The following PCED1B variants were observed in gnomAD, a reference collection of about 807,000 sequenced individuals.
PCED1B encodes the protein PC-esterase domain-containing protein 1B.
For missense variants in PCED1B, 573 were observed against 573.9 expected, an observed-to-expected ratio of 1.00 and a Z score of 0.02; for synonymous variants, 251 against 246.1, an observed-to-expected ratio of 1.02 and a Z score of -0.19.
intron 2 of PCED1B, among the ~76,000 whole-genome samples, chr12:47,116,691 C>G (rs922920210): frequency 2.0e-5 from 3 of 152,046 alleles, no homozygotes; most frequent in African/African-American, 7.2e-5. Flanking sequence ...GTTGTGAGAT[C>G]CTGGACTGTG....
intron 2 of PCED1B, among the ~76,000 whole-genome samples, chr12:47,147,268 C>T (rs1460779947): frequency 2.0e-5 from 3 of 152,110 alleles, no homozygotes; most frequent in Non-Finnish European, 2.9e-5. Context: ...CCACTTGCCT[C>T]GGCCTCCCAA....
rs568377869 is a variant in PCED1B, at chr12:47,181,024, C to A, written c.-525-35198C>A. Among the ~76,000 whole-genome samples, 3 of 150,392 alleles carry A rather than the reference C, an allele frequency of 2.0e-5. No homozygotes were observed. The South Asian group carries it at 6.3e-4, about 31-fold the overall frequency. On this transcript the variant is annotated intron_variant, in intron 2 of 3. Transcript: ENST00000546455. Reference sequence around the variant, plus strand: ...TCTTTTTTTTTTTTTGAGACAAAGTCTCACTCTGTAAGTGCAGTGGCACAA... The same window carrying A: ...TCTTTTTTTTTTTTTGAGACAAAGTATCACTCTGTAAGTGCAGTGGCACAA...
intron 2 of PCED1B, among the ~76,000 whole-genome samples, chr12:47,179,068 T>C (rs930248778): frequency 1.3e-5 from 2 of 152,200 alleles, no homozygotes; most frequent in African/African-American, 4.8e-5. Flanking sequence ...AAATTGCGAA[T>C]TGGAGCATTA....
chr12:47,214,230 G>A (rs1943179069), intron 2 of PCED1B, among the ~76,000 whole-genome samples: 2 of 152,104 alleles, frequency 1.3e-5, no homozygotes, highest in South Asian at 4.1e-4. Flanking sequence ...CATAAGGTAT[G>A]GAATTAATTT....
At chr12:47,088,498 TGACCTTTAGTA>T (rs1395469652) in intron 1 of PCED1B, among the ~76,000 whole-genome samples, 1 of 152,160 alleles carries the variant, frequency 6.6e-6, no homozygotes, top group Non-Finnish European at 1.5e-5. Context: ...GCAACCTCAG[TGACCTTTAGTA>T]GAGAGTGAGG....
intron 2 of PCED1B, among the ~76,000 whole-genome samples, chr12:47,178,297 C>T (rs575108765): frequency 3.3e-5 from 5 of 152,250 alleles, no homozygotes; most frequent in East Asian, 3.9e-4. Flanking sequence ...GAGGAGGACC[C>T]GGTGGATGCC....
Position 47,235,962 on chromosome 12 carries a change from G to A in PCED1B, c.899G>A (p.Arg300His), listed in dbSNP as rs756384960. 18 of 1,554,750 alleles carry A rather than the reference G, an allele frequency of 1.2e-5. No individual in the cohort carries two copies. Among genetic ancestry groups the A allele is most frequent in the African/African-American group, 3.0e-5 (2 of 67,096 alleles). The stretch of plus-strand genomic sequence containing the variant: ...CCACCCTTACCTTCCCCCACATACC[G>A]CCCCCTGCTTGGGTTCCCACCCCAG... ...LSPPLPSPTY[R>H]PLLGFPPQRL... The change falls in exon 4 of 4, where the codon CGC becomes CAC. Residue 300 changes from arginine to histidine, a missense_variant. Transcript: ENST00000546455.
intron 2 of PCED1B, among the ~76,000 whole-genome samples, chr12:47,112,873 C>G (rs974374608): frequency 3.9e-5 from 6 of 152,190 alleles, no homozygotes; most frequent in African/African-American, 1.4e-4. Flanking sequence ...AGAGCCTCAG[C>G]CTGCAGAGAG....
intron 2 of PCED1B, among the ~76,000 whole-genome samples, chr12:47,124,005 C>T (rs906358663): frequency 6.6e-6 from 1 of 151,844 alleles, no homozygotes; most frequent in African/African-American, 2.4e-5. Flanking sequence ...TTTGTACTTA[C>T]ATTTTTAACA....
chr12:47,219,082 A>G (rs1943393380), intron 3 of PCED1B, among the ~76,000 whole-genome samples: 1 of 152,180 alleles, frequency 6.6e-6, no homozygotes, highest in South Asian at 2.1e-4. Context: ...CAGGGGATGT[A>G]GCGAGCCAAG....
intron 2 of PCED1B, among the ~76,000 whole-genome samples, chr12:47,202,594 T>TAAAAAA (rs60769675): frequency 9.3e-3 from 620 of 66,408 alleles, no homozygotes; most frequent in Middle Eastern, 0.018. Flanking sequence ...TAGACATTAG[T>TAAAAAA]AAAAAAAAAA....
intron 2 of PCED1B, among the ~76,000 whole-genome samples, chr12:47,211,364 C>A (rs1036125789): frequency 2.0e-5 from 3 of 152,056 alleles, no homozygotes; most frequent in Non-Finnish European, 2.9e-5. Context: ...GACAAAACAA[C>A]CTTATGGCCA....
At chr12:47,120,808 T>A (rs956859579) in intron 2 of PCED1B, among the ~76,000 whole-genome samples, 6 of 151,786 alleles carry the variant, frequency 4.0e-5, no homozygotes, top group East Asian at 1.9e-4. Context: ...TCTCAAAAAA[T>A]AATAATAATA....
intron 2 of PCED1B, among the ~76,000 whole-genome samples, chr12:47,197,058 G>A (rs778939739): frequency 3.3e-5 from 5 of 150,514 alleles, no homozygotes; most frequent in Admixed American, 6.6e-5. Context: ...GACCAACATG[G>A]TGAAACCCCA....
chr12:47,115,388 T>A (rs1397789703), intron 2 of PCED1B, among the ~76,000 whole-genome samples: 1 of 152,210 alleles, frequency 6.6e-6, no homozygotes, highest in Non-Finnish European at 1.5e-5. Flanking sequence ...CTGTGGACTA[T>A]CTGGACCCTT....
At chr12:47,139,540 A>G (rs1025201096) in intron 2 of PCED1B, among the ~76,000 whole-genome samples, 1 of 152,190 alleles carries the variant, frequency 6.6e-6, no homozygotes, top group Non-Finnish European at 1.5e-5. Flanking sequence ...GCGTAGCTCA[A>G]GTACAGTGAA....
rs1305342919 is a variant in PCED1B at position 47,120,295 on chromosome 12, G to A, written c.-526+16100G>A. 2.0e-5 allele frequency among the ~76,000 whole-genome samples: 3 copies of A among 152,220 alleles called. No individual in the cohort carries two copies. In the East Asian group the frequency reaches 5.8e-4, roughly 29 times the overall value. ...TCTGTTTTTCAAGCAGTTAAACAAG[G>A]AGTAACCATATGGTCCAGCAATTCT... On this transcript the variant is annotated intron_variant, in intron 2 of 3. Transcript: ENST00000546455.
rs138921011 is a variant in PCED1B at position 47,151,186 on chromosome 12, G to A, written c.-526+46991G>A. Among the ~76,000 whole-genome samples the A allele has an allele frequency of 1.5e-3, 225 of 151,702 alleles. 1 individual carries two copies. The highest frequency in any genetic ancestry group is 0.014 in the Middle Eastern group (4 of 292). On this transcript the variant is annotated intron_variant, in intron 2 of 3. Coordinates refer to ENST00000546455, the MANE Select transcript of PCED1B (RefSeq NM_138371.3). ...ATTTATAAATATACAGTCATAGGCT[G>A]CATAACAACATTTTAGTCAATGATG...
intron 2 of PCED1B, among the ~76,000 whole-genome samples, chr12:47,148,092 C>T (rs1366973487): frequency 6.6e-6 from 1 of 152,146 alleles, no homozygotes; most frequent in African/African-American, 2.4e-5. Context: ...TATGCCATCG[C>T]ATGGTGGAAG....
Sources: allele counts gnomAD v4.1 joint callset (sites outside exome capture counted in the v4.1 genomes callset), GRCh38; gene constraint gnomAD v4.1.1; transcripts MANE v1.5; gene names NCBI Gene and HGNC (gene_info 2026-07-23, HGNC 2026-07-21).